The following KIF18A variants were observed in gnomAD, a reference collection of about 807,000 sequenced individuals.
KIF18A encodes the protein kinesin family member 18A, also known as kinesin-like protein KIF18A.
A neutral mutation model predicts 103.3 loss-of-function variants in KIF18A; 67 were observed. The observed-to-expected ratio is 0.65, with a 90% CI of 0.53 to 0.79. The LOEUF is 0.79. Among genes scored for constraint, KIF18A ranks in the 30% least tolerant of loss-of-function variants. The probability of loss-of-function intolerance (pLI) is 0.00; values close to 1 mark genes in which losing one functional copy is unlikely to be tolerated. For synonymous variants in KIF18A, 367 were observed against 355.5 expected (o/e 1.03, Z -0.36); for missense variants, 1,032 against 1,062.5 (o/e 0.97, Z 0.40).
In KIF18A at chr11:28,102,223, A is replaced by C. The variant is rs139923990; in HGVS notation, c.-46-4230T>G. On this transcript the variant is annotated intron_variant, in intron 1 of 16. Transcript: ENST00000263181. ...TTTTACAACCTGCTCTCTCTCTCTG[A>C]AATTTGCTGAGAGCTTCCTCTGCAA... 3.9e-4 allele frequency among the ~76,000 whole-genome samples: 59 copies of C among 152,280 alleles called. 2 individuals are homozygous for C. In the East Asian group the frequency reaches 0.01, roughly 27 times the overall value.
chr11:28,097,521 G>C, intron 2 of KIF18A, 102 bp downstream of exon 2: 1 of 786,980 alleles, frequency 1.3e-6, no homozygotes, highest in Non-Finnish European at 2.2e-6. Flanking sequence ...TAGCATACAA[G>C]CTCCTTAAAT....
chr11:28,059,975 C>G (rs1052118510), intron 12 of KIF18A, among the ~76,000 whole-genome samples: 5 of 152,032 alleles, frequency 3.3e-5, no homozygotes, highest in African/African-American at 1.2e-4. Flanking sequence ...TTTGGAATGG[C>G]ACTTAAAGGG....
chr11:28,096,295 T>G (rs1181112982), intron 2 of KIF18A, among the ~76,000 whole-genome samples: 3 of 152,044 alleles, frequency 2.0e-5, no homozygotes, highest in Non-Finnish European at 4.4e-5. Flanking sequence ...CATTATTGGT[T>G]GAAAATATTT....
At chr11:28,071,429 CATA>C (rs1186120169) in intron 10 of KIF18A, among the ~76,000 whole-genome samples, 11 of 150,482 alleles carry the variant, frequency 7.3e-5, no homozygotes, top group South Asian at 2.1e-4. Flanking sequence ...TGTAACCACA[CATA>C]ATTTTTATTT....
Position 28,059,170 on chromosome 11 carries a change from A to G in KIF18A, c.1713-9T>C. 7.8e-6 allele frequency: 12 copies of G among 1,548,016 alleles called. No homozygotes were observed. Among genetic ancestry groups the G allele is most frequent in the Non-Finnish European group, 9.8e-6 (11 of 1,122,898 alleles). The stretch of plus-strand genomic sequence containing the variant: ...GTAAAGCATTCAATACTCTATATAC[A>G]GAAGATGAGAAGAAAGGAGAGATAA... On this transcript the variant is annotated splice_polypyrimidine_tract_variant and intron_variant, in intron 12 of 16. Transcript: ENST00000263181.
At chr11:28,086,092 C>T (rs1049551981) in intron 6 of KIF18A, among the ~76,000 whole-genome samples, 3 of 151,886 alleles carry the variant, frequency 2.0e-5, no homozygotes, top group Non-Finnish European at 4.4e-5. Flanking sequence ...ATAGGGAAAA[C>T]CAGGTGTGGA....
chr11:28,031,346 G>A (rs1590662255), intron 15 of KIF18A, among the ~76,000 whole-genome samples: 1 of 152,122 alleles, frequency 6.6e-6, no homozygotes, highest in Non-Finnish European at 1.5e-5. Context: ...GGAAGACTAT[G>A]CAGCCATAAA....
At chr11:28,086,493 T>C (rs1851230000) in intron 6 of KIF18A, among the ~76,000 whole-genome samples, 1 of 152,230 alleles carries the variant, frequency 6.6e-6, no homozygotes, top group Non-Finnish European at 1.5e-5. Flanking sequence ...GTAGAATGTT[T>C]ATATAAGAAC....
intron 16 of KIF18A, among the ~76,000 whole-genome samples, chr11:28,022,321 G>GCC (rs952921315): frequency 7.3e-5 from 11 of 151,528 alleles, no homozygotes; most frequent in African/African-American, 2.7e-4. Flanking sequence ...CTGGAGTGCA[G>GCC]TGGTGCGATC....
chr11:28,056,288 G>C (rs546870909), intron 13 of KIF18A, among the ~76,000 whole-genome samples: 1 of 149,452 alleles, frequency 6.7e-6, no homozygotes, highest in Non-Finnish European at 1.5e-5. Context: ...CTATAAAAAA[G>C]AATAAAATGG....
rs1411741136 is a variant in KIF18A at position 28,021,156 on chromosome 11, A to G, written c.*44T>C. On this transcript the variant is annotated 3_prime_UTR_variant, in exon 17 of 17. Coordinates refer to ENST00000263181, the MANE Select transcript of KIF18A (RefSeq NM_031217.4). Reference sequence around the variant, plus strand: ...TTGAAAGGGTATTGATAAACTTTGAAAAGCAGATTTGATCAACTTCATTTT... The same window carrying G: ...TTGAAAGGGTATTGATAAACTTTGAGAAGCAGATTTGATCAACTTCATTTT... 2.8e-6 allele frequency: 4 copies of G among 1,440,116 alleles called. No individual in the cohort carries two copies. The African/African-American group carries it at 5.9e-5, about 21-fold the overall frequency. The allele number at this position is 1,440,116 out of a possible 1,614,324, so 89.2% of individuals were successfully genotyped here.
chr11:28,080,537 C>T (rs1436818813), intron 9 of KIF18A, among the ~76,000 whole-genome samples: 2 of 151,884 alleles, frequency 1.3e-5, no homozygotes, highest in African/African-American at 4.8e-5. Flanking sequence ...TTGATGTTAC[C>T]ATTGTAATTG....
At chr11:28,094,492 T>A (rs923231197) in intron 3 of KIF18A, 151 bp downstream of exon 3, 14 of 604,718 alleles carry the variant, frequency 2.3e-5, no homozygotes, top group African/African-American at 6.0e-5. Flanking sequence ...AAAAAAAAAA[T>A]TAACAGAAAA....
At chr11:28,065,877 T>C (rs1850913922) in intron 11 of KIF18A, among the ~76,000 whole-genome samples, 1 of 152,084 alleles carries the variant, frequency 6.6e-6, no homozygotes, top group Non-Finnish European at 1.5e-5. Flanking sequence ...TTAAAACTTA[T>C]ATACACAAAC....
chr11:28,097,550 G>T, intron 2 of KIF18A, 73 bp downstream of exon 2: 1 of 955,232 alleles, frequency 1.0e-6, no homozygotes, highest in Non-Finnish European at 1.7e-6. Context: ...ATTTAGAAGG[G>T]TCAAGTAGAT....
chr11:28,089,056 C>T (rs896291394), intron 5 of KIF18A, among the ~76,000 whole-genome samples: 67 of 152,200 alleles, frequency 4.4e-4, no homozygotes, highest in African/African-American at 1.4e-3. Context: ...ATAGAAATAA[C>T]GTTCCTAAGA....
intron 10 of KIF18A, among the ~76,000 whole-genome samples, chr11:28,072,766 GA>G (rs760567082): frequency 2.2e-4 from 27 of 124,682 alleles, no homozygotes; most frequent in East Asian, 7.3e-4. Flanking sequence ...GATGAAAACA[GA>G]AAAAAAAAAA....
intron 15 of KIF18A, among the ~76,000 whole-genome samples, chr11:28,030,243 A>G (rs1313848576): frequency 1.3e-5 from 2 of 151,032 alleles, no homozygotes; most frequent in Non-Finnish European, 2.9e-5. Context: ...AGGCAAAAGA[A>G]CAAAACTGGA....
At chr11:28,071,145 C>A (rs1851008124) in intron 10 of KIF18A, among the ~76,000 whole-genome samples, 1 of 152,188 alleles carries the variant, frequency 6.6e-6, no homozygotes, top group Non-Finnish European at 1.5e-5. Context: ...TTCCTGAGAT[C>A]CTTTCAGAGA....
Sources: allele counts gnomAD v4.1 joint callset (sites outside exome capture counted in the v4.1 genomes callset), GRCh38; gene constraint gnomAD v4.1.1; transcripts MANE v1.5; gene names NCBI Gene and HGNC (gene_info 2026-07-23, HGNC 2026-07-21).